The following LRP5 variants were observed in gnomAD, a reference collection of about 807,000 sequenced individuals.
LRP5 encodes the protein low-density lipoprotein receptor-related protein 5.
In LRP5, 62 loss-of-function variants were observed where a neutral mutation model predicts 154.1. The ratio of observed to expected loss-of-function variants is 0.40; its 90% CI spans 0.33 to 0.50. LRP5 has a LOEUF of 0.50. Among genes scored for constraint, LRP5 ranks in the 20% least tolerant of loss-of-function variants. The pLI is 0.55. For missense variants in LRP5, 1,915 were observed against 2,336.7 expected (o/e 0.82, Z 3.72); for synonymous variants, 966 against 1,011.5 (o/e 0.96, Z 0.85).
chr11:68,396,049 AGT>A (rs1271597417), intron 7 of LRP5, among the ~76,000 whole-genome samples: 1 of 151,864 alleles, frequency 6.6e-6, no homozygotes, highest in Non-Finnish European at 1.5e-5. Flanking sequence ...CTGAGTACGC[AGT>A]GTGTGCCAGC....
At chr11:68,430,828 A>T (rs2098671483) in intron 17 of LRP5, among the ~76,000 whole-genome samples, 1 of 152,208 alleles carries the variant, frequency 6.6e-6, no homozygotes, top group South Asian at 2.1e-4. Flanking sequence ...CTTTAGGGCC[A>T]AAGAGGCCAG....
At chr11:68,421,620 T>C (rs1190792941) in intron 13 of LRP5, among the ~76,000 whole-genome samples, 1 of 152,132 alleles carries the variant, frequency 6.6e-6, no homozygotes, top group Non-Finnish European at 1.5e-5. Context: ...TGTTGTTATC[T>C]ACAAAGACAC....
At chr11:68,316,132 C>T (rs927454439) in intron 1 of LRP5, among the ~76,000 whole-genome samples, 7 of 152,134 alleles carry the variant, frequency 4.6e-5, no homozygotes, top group Admixed American at 3.9e-4. Flanking sequence ...GAACACCAGT[C>T]GACTTTCTGC....
intron 5 of LRP5, among the ~76,000 whole-genome samples, chr11:68,369,016 T>TTA (rs1323619549): frequency 6.6e-6 from 1 of 152,056 alleles, no homozygotes; most frequent in Non-Finnish European, 1.5e-5. Context: ...TTTTGTATGT[T>TTA]TAGTAGAGAT....
At chr11:68,439,162 C>T (rs561569083) in intron 20 of LRP5, among the ~76,000 whole-genome samples, 17 of 152,344 alleles carry the variant, frequency 1.1e-4, no homozygotes, top group African/African-American at 3.6e-4. Context: ...GCAGCCGCAC[C>T]GCAGAGCTGC....
intron 5 of LRP5, 101 bp downstream of exon 5, chr11:68,365,803 G>A (rs1470467025): frequency 1.4e-5 from 17 of 1,213,966 alleles, no homozygotes; most frequent in African/African-American, 6.1e-5. Flanking sequence ...CGGCAAACCC[G>A]TTCGAAATGA....
chr11:68,349,101 C>T (rs1364566571), intron 2 of LRP5, among the ~76,000 whole-genome samples: 6 of 146,964 alleles, frequency 4.1e-5, no homozygotes, highest in South Asian at 2.1e-4. Flanking sequence ...GGCACAATCT[C>T]GGCTCACTGC....
chr11:68,316,208 G>A (rs1000001961), intron 1 of LRP5, among the ~76,000 whole-genome samples: 3 of 152,068 alleles, frequency 2.0e-5, no homozygotes, highest in African/African-American at 7.3e-5. Context: ...CTTCGTGGCT[G>A]ACTTCCTTGG....
chr11:68,375,250 AGT>A (rs371487858), intron 5 of LRP5, among the ~76,000 whole-genome samples: 116 of 152,234 alleles, frequency 7.6e-4, no homozygotes, highest in African/African-American at 2.6e-3. Context: ...CCCTGGGGTC[AGT>A]GATAGAAGAC....
intron 2 of LRP5, among the ~76,000 whole-genome samples, chr11:68,350,935 T>C (rs535906490): frequency 1.3e-5 from 2 of 152,180 alleles, no homozygotes; most frequent in African/African-American, 4.8e-5. Flanking sequence ...CGTGCATACG[T>C]GTGAGCCTGT....
At chr11:68,334,125 TTGAGAAGC>T (rs1173858229) in intron 1 of LRP5, among the ~76,000 whole-genome samples, 1 of 152,156 alleles carries the variant, frequency 6.6e-6, no homozygotes, top group Non-Finnish European at 1.5e-5. Context: ...TCCCAGCTAT[TTGAGAAGC>T]TGAGGCAGGA....
chr11:68,412,467 G>A (rs532935982), intron 11 of LRP5, among the ~76,000 whole-genome samples: 4 of 151,992 alleles, frequency 2.6e-5, no homozygotes, highest in South Asian at 4.2e-4. Flanking sequence ...GTAGTGAGAC[G>A]CCATCTCTAC....
chr11:68,305,708 G>T, the LRP5 span, among the ~76,000 whole-genome samples: 5 of 152,198 alleles, frequency 3.3e-5, no homozygotes, highest in Non-Finnish European at 7.3e-5. Context: ...CTCCCAAAGT[G>T]CTGGGATTAC....
At chr11:68,320,337 A>G (rs2098596038) in intron 1 of LRP5, among the ~76,000 whole-genome samples, 1 of 151,024 alleles carries the variant, frequency 6.6e-6, no homozygotes, top group Admixed American at 6.6e-5. Flanking sequence ...AAATTATAAC[A>G]CCTTTTGATT....
intron 4 of LRP5, 148 bp from the exon 5 acceptor site, chr11:68,365,423 G>A (rs2098630416): frequency 1.8e-6 from 2 of 1,122,154 alleles, no homozygotes; most frequent in East Asian, 2.4e-5. Flanking sequence ...GTGCCAGCGG[G>A]GAGGTCCCTG....
the LRP5 span, among the ~76,000 whole-genome samples, chr11:68,300,165 T>C: frequency 6.7e-6 from 1 of 149,018 alleles, no homozygotes; most frequent in Non-Finnish European, 1.5e-5. Context: ...CACCCCAAAG[T>C]ACAGGCATGA....
chr11:68,390,908 G>C (rs975672953), intron 7 of LRP5, among the ~76,000 whole-genome samples: 1 of 152,262 alleles, frequency 6.6e-6, no homozygotes, highest in South Asian at 2.1e-4. Context: ...TGCTTTGGCA[G>C]CTTTTTGCTC....
intron 6 of LRP5, among the ~76,000 whole-genome samples, chr11:68,387,855 T>C (rs2098643896): frequency 6.6e-6 from 1 of 152,142 alleles, no homozygotes; most frequent in Admixed American, 6.5e-5. Flanking sequence ...TTCATGGCCC[T>C]GGGACCTGAA....
chr11:68,306,285 G>A, the LRP5 span, among the ~76,000 whole-genome samples: 2,377 of 152,178 alleles, frequency 0.016, 34 homozygotes, highest in Middle Eastern at 0.027. Flanking sequence ...ATAGGCACCC[G>A]CCACCATGCC....
Sources: allele counts gnomAD v4.1 joint callset (sites outside exome capture counted in the v4.1 genomes callset), GRCh38; gene constraint gnomAD v4.1.1; transcripts MANE v1.5; gene names NCBI Gene and HGNC (gene_info 2026-07-23, HGNC 2026-07-21).